Variants in CSMD1 observed in about 807,000 individuals in gnomAD.
The protein encoded by CSMD1 is CUB and sushi domain-containing protein 1.
A neutral mutation model predicts 417.5 loss-of-function variants in CSMD1; 213 were observed. The observed-to-expected ratio is 0.51, with a 90% CI of 0.46 to 0.57. The LOEUF (loss-of-function observed/expected upper bound fraction) is 0.57. CSMD1 is among the 20% of genes least tolerant of loss of function. The probability of loss-of-function intolerance (pLI) is 0.00; values close to 1 mark genes in which losing one functional copy is unlikely to be tolerated. For synonymous variants in CSMD1, 2,862 were observed against 1,736.8 expected, an observed-to-expected ratio of 1.65 and a Z score of -16.11; for missense variants, 6,923 against 4,529.7, an observed-to-expected ratio of 1.53 and a Z score of -15.17.
At chr8:3,595,764 A>C (rs932434279) in intron 8 of CSMD1, among the ~76,000 whole-genome samples, 2 of 152,230 alleles carry the variant, frequency 1.3e-5, no homozygotes, top group African/African-American at 4.8e-5. Context: ...GCCATTTGCT[A>C]AACAACAGGA....
intron 2 of CSMD1, among the ~76,000 whole-genome samples, chr8:4,625,129 C>A (rs533728780): frequency 1.3e-5 from 2 of 152,194 alleles, no homozygotes; most frequent in African/African-American, 4.8e-5. Flanking sequence ...AGAACTATGA[C>A]ATGACCATAC....
intron 12 of CSMD1, among the ~76,000 whole-genome samples, chr8:3,462,134 A>G (rs201187992): frequency 8.3e-6 from 1 of 120,802 alleles, no homozygotes; most frequent in African/African-American, 3.2e-5. Flanking sequence ...CCCCCCCCCC[A>G]CCTCCCAGCT....
chr8:3,549,189 T>C (rs534787428), intron 10 of CSMD1, among the ~76,000 whole-genome samples: 1 of 152,346 alleles, frequency 6.6e-6, no homozygotes, highest in East Asian at 1.9e-4. Context: ...ATCCAGTCTG[T>C]GCCTGTTTTC....
intron 2 of CSMD1, among the ~76,000 whole-genome samples, chr8:4,493,913 TAAC>T (rs1490845329): frequency 6.6e-6 from 1 of 152,132 alleles, no homozygotes; most frequent in Non-Finnish European, 1.5e-5. Flanking sequence ...TGATAGACAC[TAAC>T]AACTGACTTG....
chr8:4,580,161 C>T (rs955449604), intron 2 of CSMD1, among the ~76,000 whole-genome samples: 8 of 152,292 alleles, frequency 5.3e-5, no homozygotes, highest in Admixed American at 5.2e-4. Context: ...CCAGGCACTG[C>T]TTTCAACTGT....
At chr8:4,789,116 T>C (rs1007690583) in intron 1 of CSMD1, among the ~76,000 whole-genome samples, 1 of 152,190 alleles carries the variant, frequency 6.6e-6, no homozygotes, top group African/African-American at 2.4e-5. Context: ...AGCTACCTCT[T>C]GGGATTCTTG....
chr8:3,314,605 C>T (rs1310417478), intron 23 of CSMD1, among the ~76,000 whole-genome samples: 1 of 152,160 alleles, frequency 6.6e-6, no homozygotes, highest in Non-Finnish European at 1.5e-5. Context: ...CTAGTGATTT[C>T]ATTTTAAGTC....
intron 5 of CSMD1, among the ~76,000 whole-genome samples, chr8:3,843,375 A>C (rs76038423): frequency 6.6e-6 from 1 of 152,118 alleles, no homozygotes; most frequent in Admixed American, 6.6e-5. Flanking sequence ...TGCTTACAGT[A>C]TGTAATTATA....
intron 3 of CSMD1, among the ~76,000 whole-genome samples, chr8:4,365,081 C>A (rs1027206008): frequency 9.9e-5 from 15 of 152,154 alleles, no homozygotes; most frequent in African/African-American, 3.6e-4. Context: ...GTTGTAATGG[C>A]AAGTTTACAA....
intron 54 of CSMD1, among the ~76,000 whole-genome samples, chr8:2,995,458 A>T (rs1209722059): frequency 6.6e-6 from 1 of 152,214 alleles, no homozygotes; most frequent in Non-Finnish European, 1.5e-5. Flanking sequence ...GATGACAAAT[A>T]GTACCGCCAT....
chr8:3,670,026 C>T (rs1798905466), intron 7 of CSMD1, among the ~76,000 whole-genome samples: 1 of 152,124 alleles, frequency 6.6e-6, no homozygotes. Context: ...ATGTAAAAGG[C>T]AGTGAAATGT....
At chr8:4,293,381 G>C (rs924964263) in intron 3 of CSMD1, among the ~76,000 whole-genome samples, 1 of 152,118 alleles carries the variant, frequency 6.6e-6, no homozygotes, top group Non-Finnish European at 1.5e-5. Flanking sequence ...AATTTATTGA[G>C]CAACTCTTAA....
At chr8:3,884,556 T>G (rs1358873631) in intron 5 of CSMD1, among the ~76,000 whole-genome samples, 1 of 152,180 alleles carries the variant, frequency 6.6e-6, no homozygotes, top group Non-Finnish European at 1.5e-5. Context: ...CTGATATACC[T>G]GGGTGTGGAA....
At chr8:4,881,491 G>C (rs527676252) in intron 1 of CSMD1, among the ~76,000 whole-genome samples, 2 of 146,652 alleles carry the variant, frequency 1.4e-5, no homozygotes, top group African/African-American at 2.5e-5. Context: ...ATAAACCCTT[G>C]CCTATAGAAT....
chr8:4,774,955 C>G (rs1796774349), intron 1 of CSMD1, among the ~76,000 whole-genome samples: 1 of 152,150 alleles, frequency 6.6e-6, no homozygotes, highest in Non-Finnish European at 1.5e-5. Context: ...AAACCTTGAG[C>G]AAATTAAACC....
chr8:3,568,474 T>C (rs1342526123), intron 10 of CSMD1, among the ~76,000 whole-genome samples: 1 of 152,204 alleles, frequency 6.6e-6, no homozygotes. Context: ...TTTTGAGTTT[T>C]TTAAATCCTC....
intron 4 of CSMD1, among the ~76,000 whole-genome samples, chr8:4,019,477 C>T (rs1192248101): frequency 6.6e-6 from 1 of 152,098 alleles, no homozygotes; most frequent in African/African-American, 2.4e-5. Context: ...TTAGGGCCCA[C>T]TGTTTTACTG....
intron 3 of CSMD1, among the ~76,000 whole-genome samples, chr8:4,061,896 A>G (rs548486300): frequency 2.0e-5 from 3 of 152,316 alleles, no homozygotes; most frequent in African/African-American, 7.2e-5. Flanking sequence ...GCATACTGGT[A>G]AAGTGAATAA....
chr8:3,448,952 AAGGTGAC>A (rs1212388538), intron 12 of CSMD1, among the ~76,000 whole-genome samples: 1 of 152,220 alleles, frequency 6.6e-6, no homozygotes, highest in Non-Finnish European at 1.5e-5. Flanking sequence ...TGTAGGAAAG[AAGGTGAC>A]AGCCAATCGC....
Sources: allele counts gnomAD v4.1 joint callset (sites outside exome capture counted in the v4.1 genomes callset), GRCh38; gene constraint gnomAD v4.1.1; transcripts MANE v1.5; gene names NCBI Gene and HGNC (gene_info 2026-07-23, HGNC 2026-07-21).